The following SLC25A18 variants were observed in gnomAD, a reference collection of about 807,000 sequenced individuals.
The protein encoded by SLC25A18 is mitochondrial glutamate carrier 2.
SLC25A18 carries 24 observed loss-of-function variants against 31.1 expected under a neutral mutation model. The observed-to-expected ratio is 0.77, with a 90% CI of 0.56 to 1.08. The LOEUF (loss-of-function observed/expected upper bound fraction) is 1.08, where lower values mean the gene tolerates loss of function less well. SLC25A18 is among the 50% of genes least tolerant of loss of function. The probability of loss-of-function intolerance (pLI) is 0.00; values close to 1 mark genes in which losing one functional copy is unlikely to be tolerated. For synonymous variants in SLC25A18, 173 were observed against 161.9 expected (o/e 1.07, Z -0.52); for missense variants, 371 against 418.5 (o/e 0.89, Z 0.99).
At chr22:17,568,605 A>C (rs2057003389) in intron 1 of SLC25A18, among the ~76,000 whole-genome samples, 1 of 103,514 alleles carries the variant, frequency 9.7e-6, no homozygotes, top group South Asian at 3.7e-4. Flanking sequence ...TCTGTCACCC[A>C]GGCTGGAGTG....
chr22:17,590,093 A>G lies in SLC25A18; in HGVS notation c.807-2A>G. 6.2e-7 allele frequency: 1 copy of G among 1,613,984 alleles called. No individual in the cohort carries two copies. Among genetic ancestry groups the G allele is most frequent in the Non-Finnish European group, 8.5e-7 (1 of 1,180,032 alleles). Reference sequence around the variant, plus strand: ...AGCTCACTGGCTCTTCTTTCTCCCCAGGAAACTCTGGATTCAGGAGGGACC... The same window carrying G: ...AGCTCACTGGCTCTTCTTTCTCCCCGGGAAACTCTGGATTCAGGAGGGACC... On this transcript the variant is annotated splice_acceptor_variant, in intron 10 of 10. Transcript: ENST00000327451. LOFTEE classifies it high-confidence loss of function.
intron 2 of SLC25A18, among the ~76,000 whole-genome samples, chr22:17,572,013 G>A (rs1218227692): frequency 6.8e-6 from 1 of 146,924 alleles, no homozygotes; most frequent in East Asian, 2.0e-4. Flanking sequence ...CAAGACTCCC[G>A]TCTCAGAAAA....
At chr22:17,565,968 C>T (rs1019339180) in intron 1 of SLC25A18, among the ~76,000 whole-genome samples, 8 of 152,186 alleles carry the variant, frequency 5.3e-5, no homozygotes, top group East Asian at 1.9e-4. Context: ...ACAAGGATTA[C>T]AGGCGTGAGC....
intron 6 of SLC25A18, 56 bp downstream of exon 6, chr22:17,582,709 G>T: frequency 1.4e-5 from 20 of 1,466,632 alleles, no homozygotes; most frequent in Non-Finnish European, 1.9e-5. Context: ...TGGGAGAGAT[G>T]GCAGGAAGAA....
chr22:17,581,615 C>A (rs998601388), intron 5 of SLC25A18: 2 of 578,802 alleles, frequency 3.5e-6, no homozygotes, highest in South Asian at 4.3e-5. Flanking sequence ...AGCACACCCC[C>A]CGCCACCGCC....
At position 17,590,197 on chromosome 22, in the gene SLC25A18, T is replaced by C. The variant is rs773911335; in HGVS notation, c.909T>C (p.Phe303=). 1 of 1,614,216 alleles carries C rather than the reference T, an allele frequency of 6.2e-7. No homozygotes were observed. The highest frequency in any genetic ancestry group is 2.2e-5 in the East Asian group (1 of 44,888). The change falls in exon 11 of 11, where the codon TTT becomes TTC. Residue 303 remains phenylalanine, a synonymous_variant. Transcript: ENST00000327451. ...PLFGIAQGVY[F]IGIGERILKC... ...TTGGGATTGCTCAAGGGGTCTATTT[T>C]ATTGGGATTGGAGAGCGCATCTTAA...
chr22:17,571,470 T>C (rs933233025), intron 2 of SLC25A18, among the ~76,000 whole-genome samples: 23 of 152,154 alleles, frequency 1.5e-4, no homozygotes, highest in African/African-American at 5.5e-4. Context: ...TCAGTTACAA[T>C]GTATTAAGAA....
chr22:17,578,328 C>G (rs1233059754), intron 2 of SLC25A18, among the ~76,000 whole-genome samples: 1 of 152,188 alleles, frequency 6.6e-6, no homozygotes, highest in East Asian at 1.9e-4. Flanking sequence ...GTCACCAGAC[C>G]TGGAGCAGTG....
intron 1 of SLC25A18, chr22:17,569,639 A>G: frequency 2.0e-6 from 2 of 985,340 alleles, no homozygotes; most frequent in Non-Finnish European, 2.4e-6. Context: ...CTCACCCCCA[A>G]GCTGCCTTGT....
chr22:17,582,491 G>A (rs1388362928), intron 5 of SLC25A18, 72 bp from the exon 6 acceptor site: 8 of 1,333,924 alleles, frequency 6.0e-6, no homozygotes, highest in Admixed American at 4.3e-5. Flanking sequence ...CCTGGCTAGG[G>A]CTGAAGGGCA....
intron 1 of SLC25A18, 29 bp from the exon 2 acceptor site, chr22:17,569,895 C>T: frequency 1.0e-6 from 1 of 985,534 alleles, no homozygotes; most frequent in Non-Finnish European, 1.2e-6. Flanking sequence ...TCCAAGCTGG[C>T]TGACACTGAA....
Position 17,564,675 on chromosome 22 carries a change from C to CACA in SLC25A18, c.-264+962_-264+963insACA, listed in dbSNP as rs1181297215. Among the ~76,000 whole-genome samples the CACA allele has an allele frequency of 9.2e-5, 14 of 151,710 alleles. No homozygotes were observed. In the East Asian group the frequency reaches 2.5e-3, roughly 27 times the overall value. On this transcript the variant is annotated intron_variant, in intron 1 of 10. Coordinates refer to ENST00000327451, the MANE Select transcript of SLC25A18 (RefSeq NM_031481.3). ...AAGAGATGGAGACCATCCTGGCTAA[C>CACA]GTGAAACCCCATCTATACTAAAAAT...
In SLC25A18 at chr22:17,563,661, T is replaced by A; in HGVS notation, c.-316T>A. ...GAAGAGTCGAGTGAAGCCTGGCCCG[T>A]GAGTGCCTCAACAACTGAGATGAAC... On this transcript the variant is annotated 5_prime_UTR_variant, in exon 1 of 11. Transcript: ENST00000327451. 1 of 985,386 alleles carries A rather than the reference T, an allele frequency of 1.0e-6. No individual in the cohort carries two copies. The highest frequency in any genetic ancestry group is 1.2e-6 in the Non-Finnish European group (1 of 829,924). 61.0% of individuals were successfully genotyped at this position (985,386 alleles called of 1,614,324 possible).
At position 17,587,220 on chromosome 22, in the gene SLC25A18, C is replaced by G. The variant is rs760504564; in HGVS notation, c.494C>G (p.Ser165Cys). 6.2e-6 allele frequency: 10 copies of G among 1,614,164 alleles called. No homozygotes were observed. The highest frequency in any genetic ancestry group is 1.3e-5 in the African/African-American group (1 of 75,072). ...TCGGCTTCCACCCACAGGCGCCCCTCTGCCACCCTCATTGCCTGGGAGCTG... is the reference window on the plus strand; with the variant it reads ...TCGGCTTCCACCCACAGGCGCCCCTGTGCCACCCTCATTGCCTGGGAGCTG... ...TGSASTHRRP[S>C]ATLIAWELLR... Residue 165 changes from serine (S) to cysteine (C), a missense_variant, in exon 8 of 11, where the codon TCT becomes TGT. Physicochemically the swap from Ser to Cys is moderately radical, Grantham distance 112. Transcript: ENST00000327451.
Position 17,581,063 on chromosome 22 carries a change from G to C in SLC25A18, c.47G>C (p.Gly16Ala). 6.4e-7 allele frequency: 1 copy of C among 1,556,094 alleles called. No homozygotes were observed. The highest frequency in any genetic ancestry group is 8.7e-7 in the Non-Finnish European group (1 of 1,149,002). ...ATCACAGCCAAACTCATCAATGGAG[G>C]TGTAGCAGGGCTCGTGGGGGTGACC... ...LSITAKLING[G>A]VAGLVGVTCV... is the part of the protein sequence containing the mutation. The change falls in exon 4 of 11, where the codon GGT becomes GCT. Residue 16 changes from glycine (G) to alanine (A), a missense_variant. By Grantham distance (60) the Gly-to-Ala change is moderately conservative. Transcript: ENST00000327451.
Position 17,580,125 on chromosome 22 carries a change from T to A in SLC25A18, c.20+161T>A, listed in dbSNP as rs1123031. 12 of 609,238 alleles carry A rather than the reference T, an allele frequency of 2.0e-5. No individual in the cohort carries two copies. In the East Asian group the frequency reaches 3.4e-4, roughly 17 times the overall value. 37.7% of individuals were successfully genotyped at this position (609,238 alleles called of 1,614,324 possible). The stretch of plus-strand genomic sequence containing the variant: ...TATACACTACATCTACTGTGGCAAA[T>A]ACGTACACACAAGCATCTGTGCACA... On this transcript the variant is annotated intron_variant, in intron 3 of 10. Coordinates refer to ENST00000327451, the MANE Select transcript of SLC25A18 (RefSeq NM_031481.3).
At position 17,583,477 on chromosome 22, in the gene SLC25A18, GTGGTGACCTGTCCCATGGAAA is replaced by G. The variant is rs1569189432; in HGVS notation, c.355_375del (p.Val119_Met125del). 6.2e-7 allele frequency: 1 copy of G among 1,614,078 alleles called. No individual in the cohort carries two copies. The highest frequency in any genetic ancestry group is 2.2e-5 in the East Asian group (1 of 44,872). ...GTGTGGGGCTGGGATGTGCCAGGTCGTGGTGACCTGTCCCATGGAAATGCTCAAGATTCAGCTGCAGGATGC... is the reference window on the plus strand; with the variant it reads ...GTGTGGGGCTGGGATGTGCCAGGTCGTGCTCAAGATTCAGCTGCAGGATGC... On this transcript the variant is annotated inframe_deletion, in exon 7 of 11. Transcript: ENST00000327451.
At chr22:17,570,061 G>T (rs948206416) in intron 2 of SLC25A18, 75 bp downstream of exon 2, 5 of 929,564 alleles carry the variant, frequency 5.4e-6, no homozygotes, top group Non-Finnish European at 6.4e-6. Context: ...ACCATTGGGG[G>T]AAAGGGGAAG....
In SLC25A18 at chr22:17,563,762, A is replaced by C. The variant is rs2056865077; in HGVS notation, c.-264+49A>C. On this transcript the variant is annotated intron_variant, in intron 1 of 10. Transcript: ENST00000327451. ...CGTGAGCCTTGTACTTTGCCTAGTT[A>C]CTAAGAAACCAAAAGGGGGAAAAAT... 2.5e-5 allele frequency: 24 copies of C among 976,636 alleles called. No individual in the cohort carries two copies. The South Asian group carries it at 9.5e-4, about 39-fold the overall frequency. The allele number at this position is 976,636 out of a possible 1,614,324, so 60.5% of individuals were successfully genotyped here.
Sources: allele counts gnomAD v4.1 joint callset (sites outside exome capture counted in the v4.1 genomes callset), GRCh38; gene constraint gnomAD v4.1.1; transcripts MANE v1.5; gene names NCBI Gene and HGNC (gene_info 2026-07-23, HGNC 2026-07-21).